The following ADGRD2 variants were observed in gnomAD, a reference collection of about 807,000 sequenced individuals.
ADGRD2 encodes the protein G protein-coupled receptor PGR24.
A neutral mutation model predicts 44.4 loss-of-function variants in ADGRD2; 71 were observed. The ratio of observed to expected loss-of-function variants is 1.60; its 90% CI spans 1.32 to 1.95. The LOEUF is 1.95. Ranked by LOEUF, ADGRD2 falls within the 30% of genes most tolerant of loss-of-function variation. The pLI, the probability that ADGRD2 is intolerant of heterozygous loss-of-function variation, is 0.00. For missense variants in ADGRD2, 1,039 were observed against 512.4 expected (o/e 2.03, Z -9.92); for synonymous variants, 481 against 224.8 (o/e 2.14, Z -10.19).
At chr9:124,460,288 C>T (rs1197937833) in intron 10 of ADGRD2, among the ~76,000 whole-genome samples, 16 of 151,288 alleles carry the variant, frequency 1.1e-4, no homozygotes, top group Non-Finnish European at 1.9e-4. Context: ...CTGCAACCTC[C>T]GCCCCCCGGG....
chr9:124,458,646 C>T (rs745632129), exon 10 of ADGRD2: 2 of 718,738 alleles, frequency 2.8e-6, no homozygotes, highest in Non-Finnish European at 5.2e-6. Context: ...GGTCAGCCAT[C>T]ATCTCCTCTG....
intron 16 of ADGRD2, 44 bp from the exon 20 acceptor site, chr9:124,470,450 C>T (rs1488177634): frequency 5.7e-6 from 4 of 696,398 alleles, no homozygotes; most frequent in African/African-American, 1.8e-5. Flanking sequence ...CGGGGAGCTC[C>T]CCAGGCCTCC....
At chr9:124,474,845 G>A (rs1832014791) in intron 17 of ADGRD2, among the ~76,000 whole-genome samples, 1 of 152,218 alleles carries the variant, frequency 6.6e-6, no homozygotes, top group South Asian at 2.1e-4. Flanking sequence ...ATGTGATGGT[G>A]CAGGGAGGGT....
At chr9:124,457,825 C>T (rs557009504) in intron 8 of ADGRD2, among the ~76,000 whole-genome samples, 47 of 152,314 alleles carry the variant, frequency 3.1e-4, no homozygotes, top group Admixed American at 1.3e-3. Flanking sequence ...CATCTTCCCT[C>T]GGGAGTGGGT....
At chr9:124,466,546 G>T (rs919292525) in intron 11 of ADGRD2, 133 bp downstream of exon 14, 1 of 511,180 alleles carries the variant, frequency 2.0e-6, no homozygotes, top group East Asian at 3.2e-5. Context: ...AGGGCTGCAT[G>T]CAGTAGTTCA....
At position 124,454,971 on chromosome 9, in the gene ADGRD2, T is replaced by C; in HGVS notation, c.1239T>C (p.Ala413=). 1.4e-6 allele frequency: 1 copy of C among 718,292 alleles called. No individual in the cohort carries two copies. The highest frequency in any genetic ancestry group is 2.6e-6 in the Non-Finnish European group (1 of 385,090). The allele number at this position is 718,292 out of a possible 1,614,324, so 44.5% of individuals were successfully genotyped here. A position where few individuals can be genotyped will look rare whatever the true frequency, so the allele number is the denominator to read the frequency against. The change falls in exon 6 of 22, where the codon GCT becomes GCC. Residue 413 remains alanine, a synonymous_variant. Transcript: ENST00000334810. This position sits in a 1 kb window ranked among gnomAD's most constrained non-coding sequence, Gnocchi z 4.5. The stretch of plus-strand genomic sequence containing the variant: ...CCCTGGGGCCGGCCGCACTGCTGGC[T>C]GTTGTCCGCTTCCTGAAGAGGGTGG...
chr9:124,474,276 C>CAAAAAAA (rs397947760), intron 17 of ADGRD2, among the ~76,000 whole-genome samples: 1 of 80,646 alleles, frequency 1.2e-5, no homozygotes, highest in Admixed American at 1.4e-4. Context: ...AACTCTGTCT[C>CAAAAAAA]AAAAAAAAAA....
intron 19 of ADGRD2, 26 bp downstream of exon 22, chr9:124,475,641 T>TG: frequency 2.6e-6 from 1 of 391,364 alleles, no homozygotes; most frequent in Non-Finnish European, 5.1e-6. Context: ...GGGGTGTGGG[T>TG]GGGGGCGGGA....
intron 17 of ADGRD2, among the ~76,000 whole-genome samples, chr9:124,475,161 G>T (rs974909533): frequency 1.3e-5 from 2 of 152,388 alleles, no homozygotes; most frequent in South Asian, 4.1e-4. Flanking sequence ...CAGGCCCAGC[G>T]TGGGGCACAG....
chr9:124,467,931 T>C (rs1831859689), intron 12 of ADGRD2, 107 bp downstream of exon 15: 1 of 702,008 alleles, frequency 1.4e-6, no homozygotes, highest in African/African-American at 1.8e-5. Flanking sequence ...AGCAGAACCT[T>C]GGTCTGAGCC....
chr9:124,460,386 A>ATT (rs556356103), intron 10 of ADGRD2, among the ~76,000 whole-genome samples: 38 of 81,858 alleles, frequency 4.6e-4, no homozygotes, highest in African/African-American at 2.2e-3. Flanking sequence ...ATATATATAT[A>ATT]TATTTTTTTT....
chr9:124,453,475 G>T, exon 3 of ADGRD2: 1 of 702,826 alleles, frequency 1.4e-6, no homozygotes, highest in Non-Finnish European at 2.6e-6. Flanking sequence ...CTCTCTGGGC[G>T]GTGGCTTCTC....
exon 2 of ADGRD2, chr9:124,452,512 C>G (rs907988309): frequency 1.4e-6 from 1 of 718,544 alleles, no homozygotes. Flanking sequence ...GTTTTTAGCC[C>G]CCGTGGCCGC....
chr9:124,478,142 C>G (rs909629264), intron 21 of ADGRD2, 139 bp from the exon 25 acceptor site: 1 of 152,418 alleles, frequency 6.6e-6, no homozygotes, highest in African/African-American at 2.4e-5. Flanking sequence ...TGCGGATGTT[C>G]CGAGGATGGA....
Position 124,454,815 on chromosome 9 carries a change from C to T in ADGRD2, c.1109-28C>T. The T allele has an allele frequency of 1.5e-6, 1 of 667,268 alleles. No individual in the cohort carries two copies. The highest frequency in any genetic ancestry group is 2.8e-6 in the Non-Finnish European group (1 of 362,738). 41.3% of individuals were successfully genotyped at this position (667,268 alleles called of 1,614,324 possible). On this transcript the variant is annotated intron_variant, in intron 5 of 21. Coordinates refer to ENST00000334810, the Ensembl canonical transcript of ADGRD2. The surrounding 1 kb of genome is among the most constrained non-coding windows in gnomAD (Gnocchi z 4.5). ...GGGGATCCCCTCATAACAACCAGAC[C>T]CAGAGTCAGTGGCTCCTCTGTCCAC...
intron 16 of ADGRD2, among the ~76,000 whole-genome samples, chr9:124,470,147 G>A (rs1230374562): frequency 2.0e-5 from 3 of 152,266 alleles, no homozygotes; most frequent in African/African-American, 2.4e-5. Flanking sequence ...AGGGCCCTTG[G>A]AGAGGGAGAA....
At chr9:124,459,349 C>T (rs1167104660) in intron 10 of ADGRD2, among the ~76,000 whole-genome samples, 2 of 152,064 alleles carry the variant, frequency 1.3e-5, no homozygotes, top group Non-Finnish European at 2.9e-5. Context: ...CAAAAGTTAG[C>T]CAGGCATGGT....
rs1564137652 is a variant in ADGRD2, at chr9:124,454,492, C to T, written c.1033C>T (p.Arg345Cys). Reference sequence around the variant, plus strand: ...CATCCACTCCTTTGCAGAGCCCTATCGTCGGCTGCAGGATGCCCAGTCGTG... The same window carrying T: ...CATCCACTCCTTTGCAGAGCCCTATTGTCGGCTGCAGGATGCCCAGTCGTG... The change falls in exon 5 of 22, where the codon CGT becomes TGT. Residue 345 changes from arginine to cysteine, a missense_variant. Transcript: ENST00000334810. The surrounding 1 kb of genome is among the most constrained non-coding windows in gnomAD (Gnocchi z 4.5). 1 of 715,634 alleles carries T rather than the reference C, an allele frequency of 1.4e-6. No individual in the cohort carries two copies. The highest frequency in any genetic ancestry group is 2.0e-5 in the Admixed American group (1 of 49,988). 44.3% of individuals were successfully genotyped at this position (715,634 alleles called of 1,614,324 possible).
intron 10 of ADGRD2, among the ~76,000 whole-genome samples, chr9:124,461,793 G>A (rs1831726501): frequency 6.6e-6 from 1 of 151,696 alleles, no homozygotes; most frequent in Non-Finnish European, 1.5e-5. Context: ...TGTCACCCAG[G>A]CTAGAGTACA....
Sources: gnomAD v4.1 joint callset for allele counts (sites outside exome capture counted in the v4.1 genomes callset) on GRCh38, gnomAD v4.1.1 for gene constraint, Gnocchi (gnomAD v3.1) non-coding constraint, MANE v1.5 for transcripts, NCBI Gene and HGNC (gene_info 2026-07-23, HGNC 2026-07-21) for gene names.